Variants in GALNT13 observed in about 807,000 individuals in gnomAD.
The protein encoded by GALNT13 is polypeptide N-acetylgalactosaminyltransferase 13.
Under a neutral mutation model 64.2 loss-of-function variants are expected in GALNT13, and 28 were observed. The observed-to-expected ratio is 0.44, with a 90% CI of 0.32 to 0.60. GALNT13 has a LOEUF of 0.60. Among genes scored for constraint, GALNT13 ranks in the 20% least tolerant of loss-of-function variants. The probability of loss-of-function intolerance (pLI) is 0.05; values close to 1 mark genes in which losing one functional copy is unlikely to be tolerated. For missense variants in GALNT13, 577 were observed against 669.8 expected (o/e 0.86, Z 1.53); for synonymous variants, 214 against 224.6 (o/e 0.95, Z 0.42).
At chr2:154,302,425 C>G (rs1031907469) in intron 9 of GALNT13, among the ~76,000 whole-genome samples, 4 of 152,162 alleles carry the variant, frequency 2.6e-5, no homozygotes, top group African/African-American at 9.7e-5. Flanking sequence ...CAACAAAAAT[C>G]CAGGCCTACA....
At chr2:153,344,268 C>G in the GALNT13 span, among the ~76,000 whole-genome samples, 2 of 152,140 alleles carry the variant, frequency 1.3e-5, no homozygotes, top group African/African-American at 4.8e-5. Flanking sequence ...TTTGTAAAAG[C>G]GAAAGGATGT....
chr2:154,219,872 A>T (rs1227218850), intron 4 of GALNT13, among the ~76,000 whole-genome samples: 1 of 152,120 alleles, frequency 6.6e-6, no homozygotes, highest in Non-Finnish European at 1.5e-5. Context: ...GTCTATGGAC[A>T]TATATGACCT....
chr2:153,639,027 AG>A, the GALNT13 span, among the ~76,000 whole-genome samples: 1 of 147,116 alleles, frequency 6.8e-6, no homozygotes, highest in Non-Finnish European at 1.5e-5. Context: ...GATAAAGAGT[AG>A]TTGGAGAATT....
the GALNT13 span, among the ~76,000 whole-genome samples, chr2:153,254,300 G>A: frequency 6.8e-6 from 1 of 147,194 alleles, no homozygotes; most frequent in African/African-American, 2.5e-5. Flanking sequence ...TATTTCTGTG[G>A]GATCGGTGGT....
At chr2:153,594,938 A>T in the GALNT13 span, among the ~76,000 whole-genome samples, 1 of 152,110 alleles carries the variant, frequency 6.6e-6, no homozygotes, top group Non-Finnish European at 1.5e-5. Context: ...CAGCCAACCA[A>T]TAAGCAGATC....
At chr2:153,345,712 T>TCCGTCCGTC in the GALNT13 span, among the ~76,000 whole-genome samples, 1 of 127,046 alleles carries the variant, frequency 7.9e-6, no homozygotes, top group African/African-American at 3.1e-5. Context: ...TCTCTTTCTC[T>TCCGTCCGTC]CTTTCTGTCC....
the GALNT13 span, among the ~76,000 whole-genome samples, chr2:153,825,409 T>C: frequency 6.6e-6 from 1 of 152,284 alleles, no homozygotes; most frequent in Non-Finnish European, 1.5e-5. Flanking sequence ...TAGCAATGGC[T>C]CCTGTTGTAT....
chr2:154,129,217 C>T (rs1025753830), intron 3 of GALNT13, among the ~76,000 whole-genome samples: 1 of 152,108 alleles, frequency 6.6e-6, no homozygotes, highest in African/African-American at 2.4e-5. Context: ...CCACACACAC[C>T]AGAGTACACG....
chr2:153,790,525 C>T, the GALNT13 span, among the ~76,000 whole-genome samples: 1 of 152,098 alleles, frequency 6.6e-6, no homozygotes, highest in Non-Finnish European at 1.5e-5. Flanking sequence ...GGAAGTATTT[C>T]CTTTGAAAAC....
the GALNT13 span, chr2:153,201,863 G>A: frequency 6.6e-6 from 1 of 151,940 alleles, no homozygotes; most frequent in Non-Finnish European, 1.5e-5. Flanking sequence ...CTCACCCAAG[G>A]CATGAACAGC....
At chr2:154,385,914 C>G (rs1698492340) in intron 9 of GALNT13, among the ~76,000 whole-genome samples, 1 of 151,952 alleles carries the variant, frequency 6.6e-6, no homozygotes, top group Non-Finnish European at 1.5e-5. Flanking sequence ...ACAGCTTTTC[C>G]TGCTTCTGAG....
intron 3 of GALNT13, among the ~76,000 whole-genome samples, chr2:154,007,545 A>G (rs72993680): frequency 0.046 from 6,959 of 152,072 alleles, 325 homozygotes; most frequent in East Asian, 0.13. Context: ...AATTGATTCC[A>G]TATGAGGAAT....
the GALNT13 span, among the ~76,000 whole-genome samples, chr2:153,557,921 C>A: frequency 1.3e-5 from 2 of 152,076 alleles, no homozygotes; most frequent in African/African-American, 4.8e-5. Flanking sequence ...CAGAGTATAC[C>A]TTTTCTTCCT....
chr2:153,449,165 C>A, the GALNT13 span, among the ~76,000 whole-genome samples: 1 of 152,094 alleles, frequency 6.6e-6, no homozygotes, highest in Non-Finnish European at 1.5e-5. Context: ...ACTGAATTGG[C>A]CAGAAACTTG....
At chr2:153,613,098 G>A in the GALNT13 span, among the ~76,000 whole-genome samples, 1 of 152,060 alleles carries the variant, frequency 6.6e-6, no homozygotes, top group African/African-American at 2.4e-5. Context: ...GTTTGAACAC[G>A]CATTGATTTA....
chr2:154,083,661 T>C (rs904177623), intron 3 of GALNT13, among the ~76,000 whole-genome samples: 1 of 151,922 alleles, frequency 6.6e-6, no homozygotes, highest in African/African-American at 2.4e-5. Flanking sequence ...GGTAGTTTAT[T>C]TTCTTTGTGG....
chr2:153,529,606 T>TA, the GALNT13 span, among the ~76,000 whole-genome samples: 5 of 150,678 alleles, frequency 3.3e-5, no homozygotes, highest in African/African-American at 4.9e-5. Context: ...AAAGACACAT[T>TA]AAAAAAAATA....
chr2:153,745,026 G>C, the GALNT13 span, among the ~76,000 whole-genome samples: 1 of 152,122 alleles, frequency 6.6e-6, no homozygotes, highest in Non-Finnish European at 1.5e-5. Context: ...CCATTGTTCA[G>C]AGAAACATAG....
the GALNT13 span, among the ~76,000 whole-genome samples, chr2:153,160,819 G>C: frequency 6.6e-6 from 1 of 152,062 alleles, no homozygotes. Context: ...AGTTCTGATG[G>C]GAATGATAGG....
Sources: allele counts gnomAD v4.1 joint callset (sites outside exome capture counted in the v4.1 genomes callset), GRCh38; gene constraint gnomAD v4.1.1; transcripts MANE v1.5; gene names NCBI Gene and HGNC (gene_info 2026-07-23, HGNC 2026-07-21).